RAP1GAP2: variants seen among roughly 807,000 people sequenced by gnomAD.
RAP1GAP2 encodes rap1 GTPase-activating protein 2.
A neutral mutation model predicts 95.0 loss-of-function variants in RAP1GAP2; 27 were observed. The ratio of observed to expected loss-of-function variants is 0.28; its 90% CI spans 0.21 to 0.39. RAP1GAP2 has a LOEUF of 0.39. RAP1GAP2 is among the 10% of genes least tolerant of loss of function. RAP1GAP2 has a pLI of 1.00. For synonymous variants in RAP1GAP2, 373 were observed against 380.9 expected (o/e 0.98, Z 0.24); for missense variants, 771 against 970.0 (o/e 0.79, Z 2.72).
chr17:3,017,105 C>G (rs931668670), intron 17 of RAP1GAP2, among the ~76,000 whole-genome samples: 1 of 152,138 alleles, frequency 6.6e-6, no homozygotes, highest in Admixed American at 6.5e-5. Context: ...GAAATCCCCC[C>G]CTGAGGTGGA....
intron 2 of RAP1GAP2, among the ~76,000 whole-genome samples, chr17:2,822,543 T>G (rs1026813831): frequency 6.6e-5 from 10 of 151,952 alleles, no homozygotes; most frequent in Non-Finnish European, 1.5e-4. Context: ...GAGGATTGCT[T>G]GAGCCCAGGA....
intron 1 of RAP1GAP2, among the ~76,000 whole-genome samples, chr17:2,777,768 C>T (rs950652351): frequency 6.6e-6 from 1 of 152,204 alleles, no homozygotes; most frequent in Non-Finnish European, 1.5e-5. Flanking sequence ...TCAGAGAAGC[C>T]TCCATGGGGA....
intron 2 of RAP1GAP2, among the ~76,000 whole-genome samples, chr17:2,891,809 CTTTTCTTTTT>C (rs1354063029): frequency 1.6e-4 from 9 of 58,030 alleles, no homozygotes; most frequent in Non-Finnish European, 3.2e-4. Flanking sequence ...ATTCATATTT[CTTTTCTTTTT>C]TTTTTTTTTT....
In RAP1GAP2 at chr17:2,857,231, C is replaced by G. The variant is rs1328001582; in HGVS notation, c.81-48053C>G. On this transcript the variant is annotated intron_variant, in intron 2 of 24. Transcript: ENST00000254695. This position sits in a 1 kb window ranked among gnomAD's most constrained non-coding sequence, Gnocchi z 4.0. ...GCTTGTGCAGATAACACTGTTGGCT[C>G]TTAGCCTTAAGGGTTGAAATGGTTG... Among the ~76,000 whole-genome samples the G allele has an allele frequency of 6.6e-6, 1 of 152,220 alleles. No homozygotes were observed. The highest frequency in any genetic ancestry group is 1.9e-4 in the East Asian group (1 of 5,202).
intron 3 of RAP1GAP2, among the ~76,000 whole-genome samples, chr17:2,908,609 C>T (rs1056258228): frequency 4.6e-5 from 7 of 151,914 alleles, no homozygotes; most frequent in East Asian, 3.9e-4. Flanking sequence ...AAGGAGGCGG[C>T]GAGAATGGCT....
intron 2 of RAP1GAP2, among the ~76,000 whole-genome samples, chr17:2,884,428 A>G (rs1017757861): frequency 7.0e-6 from 1 of 142,102 alleles, no homozygotes; most frequent in African/African-American, 2.6e-5. Context: ...GCTGGAGTGC[A>G]GTGGTGCAGT....
In RAP1GAP2 at chr17:2,875,717, G is replaced by A. The variant is rs763994360; in HGVS notation, c.81-29567G>A. ...TGTCCTCCTGGTTTCCCTCCGTCTC[G>A]CCGCCTGTCTGTCTCATCCTCCTCC... On this transcript the variant is annotated intron_variant, in intron 2 of 24. Coordinates refer to ENST00000254695, the MANE Select transcript of RAP1GAP2 (RefSeq NM_015085.5). Among the ~76,000 whole-genome samples the A allele has an allele frequency of 2.0e-5, 3 of 151,760 alleles. No individual in the cohort carries two copies. In the South Asian group the frequency reaches 6.2e-4, roughly 32 times the overall value.
At chr17:3,015,143 G>A (rs975469172) in intron 17 of RAP1GAP2, among the ~76,000 whole-genome samples, 1 of 152,184 alleles carries the variant, frequency 6.6e-6, no homozygotes, top group South Asian at 2.1e-4. Flanking sequence ...TAAATAGAAC[G>A]CGCTGACTGT....
intron 1 of RAP1GAP2, among the ~76,000 whole-genome samples, chr17:2,764,114 A>G (rs1296311550): frequency 6.6e-6 from 1 of 152,168 alleles, no homozygotes; most frequent in South Asian, 2.1e-4. Flanking sequence ...TTAAATTAAA[A>G]AAAAAAGGTA....
At chr17:2,771,537 A>G (rs990788775) in intron 2 of RAP1GAP2, among the ~76,000 whole-genome samples, 5 of 134,144 alleles carry the variant, frequency 3.7e-5, no homozygotes, top group African/African-American at 1.4e-4. Context: ...CTTGTCGTCC[A>G]GGCTGGAGTG....
chr17:2,792,723 T>A (rs959723189), upstream of RAP1GAP2, among the ~76,000 whole-genome samples: 5 of 151,562 alleles, frequency 3.3e-5, no homozygotes, highest in African/African-American at 1.2e-4. Flanking sequence ...GACTCAGGAG[T>A]GTTGTTTGTG....
chr17:3,032,470 G>A (rs369546732), intron 24 of RAP1GAP2, 21 bp downstream of exon 24: 92 of 1,608,546 alleles, frequency 5.7e-5, no homozygotes, highest in South Asian at 1.8e-4. Context: ...TGAATGTCCT[G>A]CTGTGGCCGT....
At chr17:2,947,915 C>T (rs1281477930) in intron 3 of RAP1GAP2, among the ~76,000 whole-genome samples, 3 of 152,166 alleles carry the variant, frequency 2.0e-5, no homozygotes, top group African/African-American at 2.4e-5. Flanking sequence ...CCCCCCAGCA[C>T]TTTCTGGCCC....
chr17:2,957,280 C>T (rs1422389120), intron 3 of RAP1GAP2, among the ~76,000 whole-genome samples: 1 of 152,132 alleles, frequency 6.6e-6, no homozygotes, highest in East Asian at 1.9e-4. Flanking sequence ...GCATAGCGGG[C>T]CCTCCCCCTC....
At chr17:2,998,143 A>G in intron 13 of RAP1GAP2, 78 bp from the exon 14 acceptor site, 1 of 1,485,962 alleles carries the variant, frequency 6.7e-7, no homozygotes, top group Non-Finnish European at 9.2e-7. Context: ...TGCAAAGGAA[A>G]GTGAACCCAC....
chr17:2,962,371 T>G, intron 4 of RAP1GAP2: 2 of 401,364 alleles, frequency 5.0e-6, no homozygotes, highest in Non-Finnish European at 8.9e-6. Flanking sequence ...GATGAGAACA[T>G]TGAGTCACAG....
At chr17:2,777,650 T>C (rs997543380) in intron 1 of RAP1GAP2, among the ~76,000 whole-genome samples, 21 of 152,270 alleles carry the variant, frequency 1.4e-4, no homozygotes, top group Non-Finnish European at 2.4e-4. Flanking sequence ...TACCCTTGCT[T>C]CCTCTCATTT....
intron 2 of RAP1GAP2, among the ~76,000 whole-genome samples, chr17:2,878,345 G>A (rs916674543): frequency 6.6e-6 from 1 of 152,152 alleles, no homozygotes; most frequent in African/African-American, 2.4e-5. Flanking sequence ...GTGGCATCTG[G>A]AGCTCAGCCC....
intron 19 of RAP1GAP2, among the ~76,000 whole-genome samples, chr17:3,022,185 C>T (rs999110060): frequency 2.0e-5 from 3 of 152,184 alleles, no homozygotes; most frequent in African/African-American, 7.2e-5. Flanking sequence ...GCCATTTTAA[C>T]TGGGGTGAGA....
Sources: gnomAD v4.1 joint callset for allele counts (sites outside exome capture counted in the v4.1 genomes callset) on GRCh38, gnomAD v4.1.1 for gene constraint, Gnocchi (gnomAD v3.1) non-coding constraint, MANE v1.5 for transcripts, NCBI Gene and HGNC (gene_info 2026-07-23, HGNC 2026-07-21) for gene names.